Variants in NAV2 observed in about 807,000 individuals in gnomAD.
NAV2 encodes helicase, APC down-regulated 1.
Under a neutral mutation model 223.2 loss-of-function variants are expected in NAV2, and 54 were observed. The ratio of observed to expected loss-of-function variants is 0.24; its 90% confidence interval spans 0.19 to 0.30. The LOEUF (loss-of-function observed/expected upper bound fraction) is 0.30. NAV2 is among the 10% of genes least tolerant of loss of function. The probability of loss-of-function intolerance (pLI) is 1.00; values close to 1 mark genes in which losing one functional copy is unlikely to be tolerated. For synonymous variants in NAV2, 1,279 were observed against 1,239.3 expected (o/e 1.03, Z -0.67); for missense variants, 2,806 against 3,147.5 (o/e 0.89, Z 2.60).
chr11:19,424,825 A>G (rs531467861), intron 1 of NAV2, among the ~76,000 whole-genome samples: 124 of 152,310 alleles, frequency 8.1e-4, no homozygotes, highest in African/African-American at 2.8e-3. Flanking sequence ...CGCTAGGATT[A>G]CAGGCATAAG....
chr11:19,669,438 T>C (rs2048516767), intron 1 of NAV2, among the ~76,000 whole-genome samples: 1 of 152,242 alleles, frequency 6.6e-6, no homozygotes, highest in Non-Finnish European at 1.5e-5. Flanking sequence ...GTGCTCAATT[T>C]TAACATCACT....
intron 1 of NAV2, among the ~76,000 whole-genome samples, chr11:19,552,697 T>C (rs2044729186): frequency 6.6e-6 from 1 of 152,108 alleles, no homozygotes; most frequent in Non-Finnish European, 1.5e-5. Flanking sequence ...GGAGAGAAAG[T>C]GAAAAAAAGA....
intron 1 of NAV2, among the ~76,000 whole-genome samples, chr11:19,642,394 C>T (rs569067779): frequency 6.6e-6 from 1 of 152,260 alleles, no homozygotes; most frequent in African/African-American, 2.4e-5. Flanking sequence ...TCTCATTTTT[C>T]TGGGGTTATT....
At chr11:19,670,910 G>A (rs1161339346) in intron 1 of NAV2, among the ~76,000 whole-genome samples, 1 of 152,202 alleles carries the variant, frequency 6.6e-6, no homozygotes, top group African/African-American at 2.4e-5. Flanking sequence ...CGGCCCCTTG[G>A]AATGCCAGCG....
At chr11:19,845,886 T>G in intron 3 of NAV2, among the ~76,000 whole-genome samples, 1 of 152,186 alleles carries the variant, frequency 6.6e-6, no homozygotes, top group East Asian at 1.9e-4. Context: ...ACAGAGTGCC[T>G]ACTAATGTGA....
At chr11:20,107,892 A>G (rs914104423) in intron 36 of NAV2, 110 bp downstream of exon 36, 6 of 764,236 alleles carry the variant, frequency 7.9e-6, no homozygotes, top group African/African-American at 1.7e-5. Flanking sequence ...TGGGGTGACA[A>G]CCCCTCACCT....
At chr11:19,842,276 CACATATGTGTG>C (rs779186171) in intron 2 of NAV2, among the ~76,000 whole-genome samples, 5 of 152,178 alleles carry the variant, frequency 3.3e-5, no homozygotes, top group Non-Finnish European at 7.3e-5. Flanking sequence ...TAGCTGGACA[CACATATGTGTG>C]TCCCTTGATC....
At chr11:19,891,761 C>T (rs1485740253) in intron 5 of NAV2, among the ~76,000 whole-genome samples, 1 of 152,140 alleles carries the variant, frequency 6.6e-6, no homozygotes, top group African/African-American at 2.4e-5. Context: ...ATAAATTGTC[C>T]TTTTCTTGAT....
At chr11:19,649,415 C>T (rs2047904138) in intron 1 of NAV2, among the ~76,000 whole-genome samples, 1 of 152,200 alleles carries the variant, frequency 6.6e-6, no homozygotes, top group Admixed American at 6.5e-5. Flanking sequence ...AATACCTAGA[C>T]TGAATGGCAT....
intron 1 of NAV2, among the ~76,000 whole-genome samples, chr11:19,408,168 G>A (rs903661393): frequency 3.9e-5 from 6 of 152,182 alleles, no homozygotes; most frequent in African/African-American, 7.2e-5. Flanking sequence ...ACACCTGCAC[G>A]TGGGGATGCA....
chr11:19,529,022 C>T (rs1387910267), intron 1 of NAV2, among the ~76,000 whole-genome samples: 2 of 151,762 alleles, frequency 1.3e-5, no homozygotes, highest in Non-Finnish European at 2.9e-5. Context: ...ACATCCAGCA[C>T]CATTATTTTA....
At chr11:19,734,267 T>G (rs1218566212) in intron 1 of NAV2, among the ~76,000 whole-genome samples, 2 of 152,238 alleles carry the variant, frequency 1.3e-5, no homozygotes, top group African/African-American at 4.8e-5. Flanking sequence ...TTCAATTTAC[T>G]AAATGCCTTT....
At chr11:19,863,913 A>G (rs1289743357) in intron 3 of NAV2, among the ~76,000 whole-genome samples, 1 of 152,242 alleles carries the variant, frequency 6.6e-6, no homozygotes, top group Non-Finnish European at 1.5e-5. Context: ...GAATAGATAA[A>G]TGAATGGGTG....
At chr11:19,989,485 G>A (rs2051120374) in intron 11 of NAV2, among the ~76,000 whole-genome samples, 1 of 152,148 alleles carries the variant, frequency 6.6e-6, no homozygotes, top group Non-Finnish European at 1.5e-5. Context: ...GTCAGCTTCT[G>A]ACTCACAGAA....
chr11:19,661,364 G>T (rs1325675779), intron 1 of NAV2, among the ~76,000 whole-genome samples: 5 of 152,046 alleles, frequency 3.3e-5, no homozygotes, highest in African/African-American at 1.2e-4. Flanking sequence ...GGATACTTGG[G>T]TTGCTTCTAT....
At chr11:19,765,027 G>A (rs1339226419) in intron 1 of NAV2, among the ~76,000 whole-genome samples, 1 of 152,096 alleles carries the variant, frequency 6.6e-6, no homozygotes. Flanking sequence ...TCCTGTGCAA[G>A]TGTCCTGGAT....
intron 1 of NAV2, among the ~76,000 whole-genome samples, chr11:19,800,385 T>A (rs932465717): frequency 6.6e-6 from 1 of 152,196 alleles, no homozygotes; most frequent in East Asian, 1.9e-4. Context: ...CCTGGGAACA[T>A]GTATGGGCTT....
At chr11:19,849,458 G>A (rs949000667) in intron 3 of NAV2, among the ~76,000 whole-genome samples, 1 of 152,228 alleles carries the variant, frequency 6.6e-6, no homozygotes, top group Non-Finnish European at 1.5e-5. Flanking sequence ...GGCCCCTTGT[G>A]AAAGGCAGCT....
chr11:20,114,540 A>G (rs2062891770), intron 36 of NAV2, 52 bp from the exon 37 acceptor site: 2 of 1,566,068 alleles, frequency 1.3e-6, no homozygotes, highest in East Asian at 4.5e-5. Flanking sequence ...AACTGGGGCT[A>G]CGAGAGAGAT....
Sources: allele counts gnomAD v4.1 joint callset (sites outside exome capture counted in the v4.1 genomes callset), GRCh38; gene constraint gnomAD v4.1.1; transcripts MANE v1.5; gene names NCBI Gene and HGNC (gene_info 2026-07-23, HGNC 2026-07-21).